The following CAMK1D variants were observed in gnomAD, a reference collection of about 807,000 sequenced individuals.
The protein encoded by CAMK1D is calcium/calmodulin dependent protein kinase ID, also known as calcium/calmodulin-dependent protein kinase type 1D.
CAMK1D carries 9 observed loss-of-function variants against 47.7 expected under a neutral mutation model. That is an observed-to-expected ratio of 0.19 (90% CI 0.11 to 0.33). The LOEUF (loss-of-function observed/expected upper bound fraction) is 0.33. CAMK1D is among the 10% of genes least tolerant of loss of function. The probability of loss-of-function intolerance (pLI) is 1.00; values close to 1 mark genes in which losing one functional copy is unlikely to be tolerated. For synonymous variants in CAMK1D, 184 were observed against 184.9 expected, an observed-to-expected ratio of 0.99 and a Z score of 0.04; for missense variants, 291 against 488.7, an observed-to-expected ratio of 0.60 and a Z score of 3.81.
chr10:12,500,496 G>A (rs1834668540), intron 1 of CAMK1D, among the ~76,000 whole-genome samples: 1 of 152,188 alleles, frequency 6.6e-6, no homozygotes, highest in South Asian at 2.1e-4. Context: ...CGGGCATGGA[G>A]GGGCCTTTGC....
At chr10:12,613,331 A>G (rs995175749) in intron 2 of CAMK1D, among the ~76,000 whole-genome samples, 8 of 152,222 alleles carry the variant, frequency 5.3e-5, no homozygotes, top group Non-Finnish European at 7.3e-5. Flanking sequence ...TGGTAATATC[A>G]CAGCCTGTGG....
chr10:12,657,788 T>TAC (rs1267926930), intron 2 of CAMK1D, among the ~76,000 whole-genome samples: 4 of 152,220 alleles, frequency 2.6e-5, no homozygotes, highest in Admixed American at 6.5e-5. Context: ...ATCATTTAAA[T>TAC]ATACACACAC....
intron 3 of CAMK1D, among the ~76,000 whole-genome samples, chr10:12,757,929 G>T (rs570913998): frequency 6.0e-5 from 8 of 134,444 alleles, no homozygotes; most frequent in Non-Finnish European, 1.1e-4. Flanking sequence ...TCGGCTCACC[G>T]CAATCTCTGC....
intron 2 of CAMK1D, among the ~76,000 whole-genome samples, chr10:12,637,172 A>G (rs1013431378): frequency 2.6e-5 from 4 of 151,870 alleles, no homozygotes; most frequent in Non-Finnish European, 5.9e-5. Context: ...GGGTTTCACC[A>G]TGTTGGCCAG....
At chr10:12,807,485 C>T (rs772699781) in intron 6 of CAMK1D, among the ~76,000 whole-genome samples, 8 of 152,130 alleles carry the variant, frequency 5.3e-5, no homozygotes, top group African/African-American at 2.4e-5. Flanking sequence ...GAGCTAATTA[C>T]CAGGGATGGG....
intron 6 of CAMK1D, among the ~76,000 whole-genome samples, chr10:12,804,637 C>G (rs1838636346): frequency 6.6e-6 from 1 of 151,252 alleles, no homozygotes; most frequent in Non-Finnish European, 1.5e-5. Flanking sequence ...CTATTGAGTG[C>G]TAATGAAAGA....
intron 1 of CAMK1D, among the ~76,000 whole-genome samples, chr10:12,504,568 C>T (rs1834813063): frequency 6.6e-6 from 1 of 152,190 alleles, no homozygotes; most frequent in African/African-American, 2.4e-5. Flanking sequence ...ACGGTCATCT[C>T]TTCCAGAAAC....
intron 2 of CAMK1D, among the ~76,000 whole-genome samples, chr10:12,563,691 GA>G (rs1837023397): frequency 4.7e-5 from 3 of 63,764 alleles, no homozygotes; most frequent in East Asian, 4.2e-4. Flanking sequence ...GAGAGAGAGA[GA>G]GAGAGAGGGA....
intron 1 of CAMK1D, among the ~76,000 whole-genome samples, chr10:12,467,021 A>G (rs1833612114): frequency 1.3e-5 from 2 of 152,154 alleles, no homozygotes; most frequent in Admixed American, 1.3e-4. Flanking sequence ...CCTCGAACTC[A>G]GGTTGAAATT....
chr10:12,782,718 C>A (rs891274731), intron 5 of CAMK1D, among the ~76,000 whole-genome samples: 2 of 152,154 alleles, frequency 1.3e-5, no homozygotes, highest in African/African-American at 4.8e-5. Flanking sequence ...AGCGTCTAAC[C>A]CTGGACACAG....
chr10:12,350,897 G>T (rs1034605645), intron 1 of CAMK1D, among the ~76,000 whole-genome samples: 43 of 152,238 alleles, frequency 2.8e-4, no homozygotes, highest in African/African-American at 1.0e-3. Context: ...TGCCCATTTT[G>T]CAGGGGTTCA....
At chr10:12,779,530 G>C (rs1837401663) in intron 5 of CAMK1D, among the ~76,000 whole-genome samples, 1 of 152,094 alleles carries the variant, frequency 6.6e-6, no homozygotes, top group South Asian at 2.1e-4. Context: ...CCTGGGCTCA[G>C]GTGATCCTCC....
At chr10:12,790,246 A>T (rs948762895) in intron 5 of CAMK1D, among the ~76,000 whole-genome samples, 1 of 152,286 alleles carries the variant, frequency 6.6e-6, no homozygotes, top group Non-Finnish European at 1.5e-5. Context: ...GGAAAATGCA[A>T]TGAGCATGCT....
At chr10:12,688,092 T>C (rs918376241) in intron 3 of CAMK1D, among the ~76,000 whole-genome samples, 3 of 152,228 alleles carry the variant, frequency 2.0e-5, no homozygotes, top group Non-Finnish European at 4.4e-5. Context: ...ATCCATTTAA[T>C]GCAGGCTCTG....
chr10:12,408,619 G>A (rs1839534217), intron 1 of CAMK1D, among the ~76,000 whole-genome samples: 1 of 152,058 alleles, frequency 6.6e-6, no homozygotes, highest in Admixed American at 6.5e-5. Context: ...TGTGTGGGTG[G>A]TGGTGGGGGT....
At chr10:12,357,562 C>T (rs1028881218) in intron 1 of CAMK1D, among the ~76,000 whole-genome samples, 12 of 152,290 alleles carry the variant, frequency 7.9e-5, no homozygotes, top group Middle Eastern at 6.8e-3. Context: ...GTGATCTGCT[C>T]ACCTCAGCCT....
chr10:12,558,383 A>G (rs1339804539), intron 2 of CAMK1D, among the ~76,000 whole-genome samples: 4 of 152,108 alleles, frequency 2.6e-5, no homozygotes, highest in Non-Finnish European at 5.9e-5. Context: ...GTGAAACCCC[A>G]TCTCTATTCA....
intron 1 of CAMK1D, among the ~76,000 whole-genome samples, chr10:12,406,905 T>C (rs147328878): frequency 1.3e-4 from 20 of 152,188 alleles, no homozygotes; most frequent in East Asian, 9.7e-4. Flanking sequence ...CTCTGACCTT[T>C]TATAGAGGAG....
intron 1 of CAMK1D, among the ~76,000 whole-genome samples, chr10:12,542,497 A>G (rs906655254): frequency 6.6e-6 from 1 of 152,242 alleles, no homozygotes; most frequent in African/African-American, 2.4e-5. Flanking sequence ...TGGGATGGAT[A>G]TAATTTCACC....
Sources: allele counts gnomAD v4.1 joint callset (sites outside exome capture counted in the v4.1 genomes callset), GRCh38; gene constraint gnomAD v4.1.1; transcripts MANE v1.5; gene names NCBI Gene and HGNC (gene_info 2026-07-23, HGNC 2026-07-21).